SAMD14: variants seen among roughly 807,000 people sequenced by gnomAD.
The protein encoded by SAMD14 is sterile alpha motif domain-containing protein 14.
Under a neutral mutation model 46.2 loss-of-function variants are expected in SAMD14, and 27 were observed. The observed-to-expected ratio is 0.58, with a 90% confidence interval of 0.43 to 0.81. The LOEUF is 0.81. SAMD14 is among the 30% of genes least tolerant of loss of function. SAMD14 has a pLI of 0.00. For synonymous variants in SAMD14, 241 were observed against 254.3 expected, an observed-to-expected ratio of 0.95 and a Z score of 0.50; for missense variants, 559 against 582.2, an observed-to-expected ratio of 0.96 and a Z score of 0.41.
intron 9 of SAMD14, 126 bp downstream of exon 9, chr17:50,113,798 A>C (rs1911009655): frequency 1.1e-5 from 12 of 1,124,242 alleles, no homozygotes; most frequent in Non-Finnish European, 1.4e-5. Context: ...TGGTGGCCAC[A>C]GATGGAGTGA....
At chr17:50,124,140 G>A (rs775831780) in intron 2 of SAMD14, 14 of 456,124 alleles carry the variant, frequency 3.1e-5, no homozygotes, top group East Asian at 1.4e-4. Flanking sequence ...CTCCTCCACC[G>A]GAATCCCGCT....
rs1910868984 is a variant in SAMD14, at chr17:50,111,895, CAA to C, written c.*996_*997del. On this transcript the variant is annotated 3_prime_UTR_variant, in exon 10 of 10. Transcript: ENST00000330175. Reference sequence around the variant, plus strand: ...AGTTCTGAGCCCACTGATTCCCTGACAATGCCTGGGGCAGATGGGGGAGGGCT... The same window carrying C: ...AGTTCTGAGCCCACTGATTCCCTGACTGCCTGGGGCAGATGGGGGAGGGCT... The C allele has an allele frequency of 6.6e-6, 1 of 152,188 alleles. No homozygotes were observed. Among genetic ancestry groups the C allele is most frequent in the Admixed American group, 6.6e-5 (1 of 15,264 alleles). The allele number at this position is 152,188 out of a possible 1,614,324, so 9.4% of individuals were successfully genotyped here.
intron 3 of SAMD14, 86 bp downstream of exon 3, chr17:50,118,075 G>A (rs1487383153): frequency 1.4e-6 from 2 of 1,413,420 alleles, no homozygotes; most frequent in Non-Finnish European, 1.9e-6. Flanking sequence ...GGTTTCCCTG[G>A]AAGAGCACTC....
At chr17:50,117,288 C>G (rs1911255307) in intron 4 of SAMD14, 119 bp downstream of exon 4, 1 of 1,029,060 alleles carries the variant, frequency 9.7e-7, no homozygotes, top group Non-Finnish European at 1.3e-6. Flanking sequence ...GTTTACTCTT[C>G]ACCTCCCCCA....
At chr17:50,120,820 G>A (rs1911466015) in intron 2 of SAMD14, among the ~76,000 whole-genome samples, 2 of 152,026 alleles carry the variant, frequency 1.3e-5, no homozygotes, top group Admixed American at 1.3e-4. Context: ...TCAAGTCTTC[G>A]CTTAAATGCT....
chr17:50,127,790 G>A (rs1911847796), intron 1 of SAMD14, among the ~76,000 whole-genome samples: 2 of 152,126 alleles, frequency 1.3e-5, no homozygotes, highest in African/African-American at 4.8e-5. Flanking sequence ...GGCCAGATGG[G>A]AAGGAAGGCT....
chr17:50,123,768 A>C (rs1441480981), intron 2 of SAMD14, among the ~76,000 whole-genome samples: 2 of 152,164 alleles, frequency 1.3e-5, no homozygotes, highest in Non-Finnish European at 2.9e-5. Context: ...GTGAGGACGC[A>C]GCTACCTCAG....
chr17:50,113,492 G>A, intron 9 of SAMD14: 1 of 265,552 alleles, frequency 3.8e-6, no homozygotes, highest in Non-Finnish European at 7.3e-6. Flanking sequence ...GAACCTCCCA[G>A]CTTATAGGTC....
chr17:50,120,088 T>C (rs1035694323), intron 2 of SAMD14, among the ~76,000 whole-genome samples: 1 of 152,072 alleles, frequency 6.6e-6, no homozygotes, highest in Non-Finnish European at 1.5e-5. Context: ...TCCAGGGCAA[T>C]AGGGGGAGGG....
chr17:50,125,116 G>A (rs1002184327), intron 1 of SAMD14, 145 bp from the exon 2 acceptor site: 9 of 694,490 alleles, frequency 1.3e-5, no homozygotes, highest in Admixed American at 5.3e-5. Context: ...CTGTCCCCTG[G>A]AAGAGAAGCC....
At chr17:50,114,956 T>TG (rs1911102045) in intron 7 of SAMD14, 2 of 154,692 alleles carry the variant, frequency 1.3e-5, no homozygotes, top group African/African-American at 4.8e-5. Flanking sequence ...GCAAGCCCCT[T>TG]CTCTCTGGGC....
At chr17:50,123,399 G>C (rs1466695104) in intron 2 of SAMD14, 1 of 152,264 alleles carries the variant, frequency 6.6e-6, no homozygotes, top group Non-Finnish European at 1.5e-5. Context: ...AAGGAGAGTG[G>C]CTCCCAGGCC....
In SAMD14 at chr17:50,124,916, C is replaced by A; in HGVS notation, c.43+1G>T. The A allele has an allele frequency of 1.2e-6, 2 of 1,613,924 alleles. No individual in the cohort carries two copies. The highest frequency in any genetic ancestry group is 2.2e-5 in the East Asian group (1 of 44,864). Reference sequence around the variant, plus strand: ...TAGAGATAGAGCCACACAGAACTTACCAAAAACTTCATCCACGGGTTCTCG... The same window carrying A: ...TAGAGATAGAGCCACACAGAACTTAACAAAAACTTCATCCACGGGTTCTCG... On this transcript the variant is annotated splice_donor_variant, in intron 2 of 9. Coordinates refer to ENST00000330175, the MANE Select transcript of SAMD14 (RefSeq NM_001257359.2). LOFTEE classifies it high-confidence loss of function.
Position 50,117,437 on chromosome 17 carries a change from G to T in SAMD14, c.469C>A (p.Arg157Ser), listed in dbSNP as rs1021281373. 11 of 1,345,304 alleles carry T rather than the reference G, an allele frequency of 8.2e-6. No individual in the cohort carries two copies. Among genetic ancestry groups the T allele is most frequent in the Non-Finnish European group, 1.0e-5 (11 of 1,054,442 alleles). The allele number at this position is 1,345,304 out of a possible 1,614,324, so 83.3% of individuals were successfully genotyped here. ...SSDSSPSFVR[R>S]HPRAEPHSED... ...CTGTGCGGCTCTGCGCGCGGGTGGC[G>T]GCGCACGAAGCTGGGGGAGCTGTCG... Residue 157 changes from arginine to serine, a missense_variant, in exon 4 of 10, where the codon CGC becomes AGC. By Grantham distance (110) the Arg-to-Ser change is moderately radical (BLOSUM62 -1). Transcript: ENST00000330175.
intron 9 of SAMD14, 157 bp from the exon 10 acceptor site, chr17:50,113,205 C>G: frequency 1.3e-6 from 1 of 758,610 alleles, no homozygotes; most frequent in Non-Finnish European, 2.1e-6. Flanking sequence ...GCCCATGGAT[C>G]AGAACCCCCA....
At position 50,112,773 on chromosome 17, in the gene SAMD14, C is replaced by A. The variant is rs1000999192; in HGVS notation, c.*120G>T. 8.3e-7 allele frequency: 1 copy of A among 1,200,086 alleles called. No individual in the cohort carries two copies. Among genetic ancestry groups the A allele is most frequent in the Non-Finnish European group, 1.2e-6 (1 of 867,390 alleles). 74.3% of individuals were successfully genotyped at this position (1,200,086 alleles called of 1,614,324 possible). ...CAGGGTAAGAGAGAGCATGTCCCCC[C>A]TGAGAGCGTGGGACCAGGCTAGCCC... On this transcript the variant is annotated 3_prime_UTR_variant, in exon 10 of 10. Coordinates refer to ENST00000330175, the MANE Select transcript of SAMD14 (RefSeq NM_001257359.2).
chr17:50,126,173 A>G (rs867167333), intron 1 of SAMD14, among the ~76,000 whole-genome samples: 1 of 152,134 alleles, frequency 6.6e-6, no homozygotes, highest in African/African-American at 2.4e-5. Flanking sequence ...GGAGAATGGC[A>G]AGGCACTGAG....
At chr17:50,118,034 C>A (rs1598227250) in intron 3 of SAMD14, 127 bp downstream of exon 3, 1 of 1,010,562 alleles carries the variant, frequency 9.9e-7, no homozygotes, top group East Asian at 2.6e-5. Flanking sequence ...TAACACTTGG[C>A]AGCATTACTA....
At chr17:50,116,130 C>A in intron 4 of SAMD14, 40 bp from the exon 5 acceptor site, 1 of 1,581,226 alleles carries the variant, frequency 6.3e-7, no homozygotes. Context: ...CTGTTTGCTG[C>A]CCTGCCTGCC....
Sources: allele counts gnomAD v4.1 joint callset (sites outside exome capture counted in the v4.1 genomes callset), GRCh38; gene constraint gnomAD v4.1.1; transcripts MANE v1.5; gene names NCBI Gene and HGNC (gene_info 2026-07-23, HGNC 2026-07-21).